CPNE8: variants seen among roughly 807,000 people sequenced by gnomAD.
CPNE8 encodes copine-8.
In CPNE8, 45 loss-of-function variants were observed where a neutral mutation model predicts 81.5. The ratio of observed to expected loss-of-function variants is 0.55; its 90% CI spans 0.44 to 0.71. The LOEUF (loss-of-function observed/expected upper bound fraction) is 0.71. Among genes scored for constraint, CPNE8 ranks in the 30% least tolerant of loss-of-function variants. CPNE8 has a pLI of 0.00. For synonymous variants in CPNE8, 252 were observed against 226.3 expected (o/e 1.11, Z -1.02); for missense variants, 594 against 672.1 (o/e 0.88, Z 1.28).
chr12:38,870,129 A>G (rs1943969359), intron 3 of CPNE8, among the ~76,000 whole-genome samples: 1 of 152,272 alleles, frequency 6.6e-6, no homozygotes, highest in Non-Finnish European at 1.5e-5. Flanking sequence ...TTAAAAAGTC[A>G]GGAAACAACA....
At chr12:38,880,275 T>C (rs1944133370) in intron 1 of CPNE8, among the ~76,000 whole-genome samples, 1 of 152,248 alleles carries the variant, frequency 6.6e-6, no homozygotes, top group Non-Finnish European at 1.5e-5. Flanking sequence ...CAGGGTAGTC[T>C]CTGGACCACT....
chr12:38,798,149 C>A (rs1254866408), intron 6 of CPNE8, among the ~76,000 whole-genome samples: 2 of 152,140 alleles, frequency 1.3e-5, no homozygotes, highest in Non-Finnish European at 2.9e-5. Flanking sequence ...AGGAGAACTT[C>A]CCCAATCTAG....
At chr12:38,796,312 C>A (rs1377104611) in intron 6 of CPNE8, among the ~76,000 whole-genome samples, 2 of 150,052 alleles carry the variant, frequency 1.3e-5, no homozygotes, top group Non-Finnish European at 2.9e-5. Flanking sequence ...AAAAAAAAAT[C>A]TTGAACTCAA....
chr12:38,776,177 AT>A, intron 7 of CPNE8, 60 bp downstream of exon 7: 1 of 822,142 alleles, frequency 1.2e-6, no homozygotes, highest in South Asian at 2.4e-5. Flanking sequence ...GTTAAGTACA[AT>A]TTTAGATATA....
Position 38,685,501 on chromosome 12 carries a change from A to T in CPNE8, c.1260T>A (p.Asn420Lys). The change falls in exon 16 of 20, where the codon AAT (asparagine) becomes AAA (lysine). Residue 420 changes from asparagine (N) to lysine (K), a missense_variant. Asn to Lys is a moderately conservative substitution (Grantham distance 94). Transcript: ENST00000331366. ...TACTCTCTACTTACCTTGCTACATG[A>T]TTAATTACAGGAGCAAAGTTGGTGG... is the stretch of plus-strand genomic sequence containing the variant. ...YGPTNFAPVI[N>K]HVARYASSVK... The T allele has an allele frequency of 6.2e-7, 1 of 1,613,262 alleles. No homozygotes were observed. The highest frequency in any genetic ancestry group is 1.3e-5 in the African/African-American group (1 of 75,012).
chr12:38,855,443 G>A (rs1943715269), intron 3 of CPNE8, among the ~76,000 whole-genome samples: 1 of 152,054 alleles, frequency 6.6e-6, no homozygotes, highest in Admixed American at 6.5e-5. Context: ...GAACAAAGCT[G>A]AAGGCATCAC....
intron 6 of CPNE8, among the ~76,000 whole-genome samples, chr12:38,824,800 T>C (rs1176825159): frequency 6.6e-6 from 1 of 152,196 alleles, no homozygotes; most frequent in Non-Finnish European, 1.5e-5. Context: ...AGGTGTCCTA[T>C]GCTGCAATTC....
chr12:38,822,930 C>G (rs1016327069), intron 6 of CPNE8, among the ~76,000 whole-genome samples: 3 of 152,144 alleles, frequency 2.0e-5, no homozygotes, highest in Non-Finnish European at 2.9e-5. Flanking sequence ...TTACTTTGAG[C>G]CTCAAAATTT....
intron 4 of CPNE8, among the ~76,000 whole-genome samples, chr12:38,845,771 T>C (rs2137052013): frequency 6.6e-6 from 1 of 152,224 alleles, no homozygotes; most frequent in South Asian, 2.1e-4. Context: ...CAAAAGGAAT[T>C]AAAGTGATAG....
chr12:38,736,102 C>G (rs1020540117), intron 10 of CPNE8, among the ~76,000 whole-genome samples: 6 of 151,806 alleles, frequency 4.0e-5, no homozygotes, highest in African/African-American at 1.4e-4. Flanking sequence ...CTAATTTTAT[C>G]AGTCTTAGCC....
rs1377663496 is a variant in CPNE8 at position 38,803,042 on chromosome 12, G to A, written c.407+26337C>T. On this transcript the variant is annotated intron_variant, in intron 6 of 19. Transcript: ENST00000331366. Reference sequence around the variant, plus strand: ...AGTTTACCAACCAAAAAGAGTCCAGGACCAGATGGATTCACAGCCGAATTC... The same window carrying A: ...AGTTTACCAACCAAAAAGAGTCCAGAACCAGATGGATTCACAGCCGAATTC... Among the ~76,000 whole-genome samples the A allele has an allele frequency of 9.7e-5, 7 of 71,944 alleles. No homozygotes were observed. The East Asian group carries it at 2.5e-3, about 26-fold the overall frequency. The allele number at this position is 71,944 out of a possible 152,430, so 47.2% of individuals were successfully genotyped here.
At chr12:38,711,571 C>T (rs188151521) in intron 13 of CPNE8, among the ~76,000 whole-genome samples, 21 of 151,762 alleles carry the variant, frequency 1.4e-4, no homozygotes, top group Admixed American at 7.2e-4. Flanking sequence ...TGGGATCAAG[C>T]GATTCTCCTG....
At position 38,760,856 on chromosome 12, in the gene CPNE8, C is replaced by G. The variant is rs774919692; in HGVS notation, c.713G>C (p.Arg238Pro). Residue 238 changes from arginine to proline, a missense_variant, in exon 10 of 20, where the codon CGA becomes CCA. Coordinates refer to ENST00000331366, the MANE Select transcript of CPNE8 (RefSeq NM_153634.3). ...ATAAGAACTGTCTTACCTTCCATCT[C>G]GGTCCCAGTCATACACCTCTACTTT... The part of the protein sequence containing the change: ...TIKVEVYDWD[R>P]DGSHDFIGEF... The G allele has an allele frequency of 6.3e-7, 1 of 1,589,092 alleles. No homozygotes were observed. Among genetic ancestry groups the G allele is most frequent in the Admixed American group, 1.9e-5 (1 of 53,976 alleles).
chr12:38,750,515 C>T (rs897174165), intron 10 of CPNE8, among the ~76,000 whole-genome samples: 6 of 152,184 alleles, frequency 3.9e-5, no homozygotes, highest in African/African-American at 1.4e-4. Context: ...CCTGGGAACC[C>T]ACCTCTTATA....
rs749406707 is a variant in CPNE8, at chr12:38,760,451, A to ATATATATATATATATATATG, written c.722+395_722+396insCATATATATATATATATATA. On this transcript the variant is annotated intron_variant, in intron 10 of 19. Coordinates refer to ENST00000331366, the MANE Select transcript of CPNE8 (RefSeq NM_153634.3). ...GTATGGTGTGTATATATATATATAT[A>ATATATATATATATATATATG]TGTGTGTGTATATAGGCAGAGTTGG... Among the ~76,000 whole-genome samples the ATATATATATATATATATATG allele has an allele frequency of 3.1e-3, 377 of 120,148 alleles. 10 individuals carry two copies. In the East Asian group the frequency reaches 0.039, roughly 12 times the overall value. The allele number at this position is 120,148 out of a possible 152,430, so 78.8% of individuals were successfully genotyped here.
In CPNE8 at chr12:38,762,138, TCTGA is replaced by T. The variant is rs1426881805; in HGVS notation, c.650_653del (p.Val217GlufsTer14). On this transcript the variant is annotated frameshift_variant, in exon 9 of 20. Coordinates refer to ENST00000331366, the MANE Select transcript of CPNE8 (RefSeq NM_153634.3). LOFTEE classifies it high-confidence loss of function. ...TGTCATAGTCTCCATTACATAATGC[TCTGA>T]CTGAGATCTTGAATGCTTGCCATAC... 1.3e-6 allele frequency: 2 copies of T among 1,594,492 alleles called. No individual in the cohort carries two copies. Among genetic ancestry groups the T allele is most frequent in the Non-Finnish European group, 1.7e-6 (2 of 1,168,134 alleles).
At position 38,801,859 on chromosome 12, in the gene CPNE8, T is replaced by C. The variant is rs1241578381; in HGVS notation, c.408-25558A>G. On this transcript the variant is annotated intron_variant, in intron 6 of 19. Coordinates refer to ENST00000331366, the MANE Select transcript of CPNE8 (RefSeq NM_153634.3). ...CAAAAAAAGGCAGGGGTTGCAATCC[T>C]AGTCTCTGATAAAACAGACTTTAAA... 3.3e-3 allele frequency among the ~76,000 whole-genome samples: 322 copies of C among 97,022 alleles called. 4 individuals carry two copies. The highest frequency in any genetic ancestry group is 0.011 in the African/African-American group (307 of 28,132). The allele number at this position is 97,022 out of a possible 152,430, so 63.7% of individuals were successfully genotyped here.
intron 4 of CPNE8, among the ~76,000 whole-genome samples, chr12:38,842,006 A>G (rs1943475229): frequency 6.6e-6 from 1 of 151,090 alleles, no homozygotes; most frequent in Non-Finnish European, 1.5e-5. Context: ...TTATTTTCAT[A>G]CTTTAATAAT....
chr12:38,879,048 C>T (rs1944109235), intron 1 of CPNE8, among the ~76,000 whole-genome samples: 3 of 152,032 alleles, frequency 2.0e-5, no homozygotes, highest in South Asian at 4.2e-4. Context: ...TTCAAATAAT[C>T]GATAATCATA....
Sources: gnomAD v4.1 joint callset for allele counts (sites outside exome capture counted in the v4.1 genomes callset) on GRCh38, gnomAD v4.1.1 for gene constraint, MANE v1.5 for transcripts, NCBI Gene and HGNC (gene_info 2026-07-23, HGNC 2026-07-21) for gene names.